TRIM55: variants seen among roughly 807,000 people sequenced by gnomAD.
The protein encoded by TRIM55 is tripartite motif containing 55.
A neutral mutation model predicts 60.9 loss-of-function variants in TRIM55; 50 were observed. The ratio of observed to expected loss-of-function variants is 0.82; its 90% CI spans 0.65 to 1.04. The LOEUF is 1.04. Ranked by LOEUF, TRIM55 falls within the 50% of genes least tolerant of loss-of-function variation. The pLI, the probability that TRIM55 is intolerant of heterozygous loss-of-function variation, is 0.00. For synonymous variants in TRIM55, 237 were observed against 238.1 expected, an observed-to-expected ratio of 1.00 and a Z score of 0.04; for missense variants, 681 against 666.9, an observed-to-expected ratio of 1.02 and a Z score of -0.23.
At chr8:66,164,745 A>T (rs1811228542) in intron 9 of TRIM55, among the ~76,000 whole-genome samples, 1 of 152,222 alleles carries the variant, frequency 6.6e-6, no homozygotes, top group Non-Finnish European at 1.5e-5. Context: ...CTATAGGCAG[A>T]TGCAGTGGAG....
At chr8:66,145,542 C>G (rs1483229505) in intron 4 of TRIM55, among the ~76,000 whole-genome samples, 1 of 152,052 alleles carries the variant, frequency 6.6e-6, no homozygotes, top group Non-Finnish European at 1.5e-5. Flanking sequence ...CATACAATGC[C>G]AGGTACAAAG....
chr8:66,126,162 G>A (rs1465960541), upstream of TRIM55, among the ~76,000 whole-genome samples: 1 of 152,194 alleles, frequency 6.6e-6, no homozygotes, highest in Non-Finnish European at 1.5e-5. Context: ...CAGATGAAAT[G>A]CAGATATGGA....
chr8:66,149,248 C>T (rs746027393), intron 4 of TRIM55, among the ~76,000 whole-genome samples: 2 of 152,086 alleles, frequency 1.3e-5, no homozygotes, highest in Non-Finnish European at 2.9e-5. Flanking sequence ...AGGTACAAAC[C>T]AGGAAGTATC....
chr8:66,115,785 A>G, the TRIM55 span, among the ~76,000 whole-genome samples: 1 of 152,204 alleles, frequency 6.6e-6, no homozygotes, highest in Admixed American at 6.5e-5. Flanking sequence ...TCGGTGCTTC[A>G]GTGTCTTTGT....
At chr8:66,131,106 A>G (rs1340752716) in intron 2 of TRIM55, among the ~76,000 whole-genome samples, 7 of 152,192 alleles carry the variant, frequency 4.6e-5, no homozygotes, top group African/African-American at 1.7e-4. Context: ...AAGTAAAACT[A>G]CTATGTGCTG....
At chr8:66,162,499 C>T (rs534175313) in intron 9 of TRIM55, among the ~76,000 whole-genome samples, 1 of 151,454 alleles carries the variant, frequency 6.6e-6, no homozygotes, top group African/African-American at 2.4e-5. Context: ...TAATGTCCTC[C>T]CCTGGTTTTG....
At chr8:66,121,590 G>A in the TRIM55 span, among the ~76,000 whole-genome samples, 5 of 152,314 alleles carry the variant, frequency 3.3e-5, no homozygotes, top group East Asian at 5.8e-4. Flanking sequence ...GTAACAGGTC[G>A]CTGAGTCTCA....
upstream of TRIM55, among the ~76,000 whole-genome samples, chr8:66,122,860 G>A (rs527580277): frequency 3.9e-5 from 6 of 152,232 alleles, no homozygotes; most frequent in African/African-American, 1.4e-4. Context: ...GTATAGCATC[G>A]TATGACAGAT....
Position 66,174,720 on chromosome 8 carries a change from GCC to G in TRIM55, c.*130_*131del. 9.9e-7 allele frequency: 1 copy of G among 1,006,702 alleles called. No homozygotes were observed. Among genetic ancestry groups the G allele is most frequent in the Non-Finnish European group, 1.4e-6 (1 of 738,892 alleles). 62.4% of individuals were successfully genotyped at this position (1,006,702 alleles called of 1,614,324 possible). On this transcript the variant is annotated 3_prime_UTR_variant, in exon 10 of 10. Coordinates refer to ENST00000315962, the MANE Select transcript of TRIM55 (RefSeq NM_184085.2). Reference sequence around the variant, plus strand: ...TCTGAACAGGATTTCTGCAAAAATAGCCCCAAACTGCAATTCCATATGACTTA... The same window carrying G: ...TCTGAACAGGATTTCTGCAAAAATAGCCAAACTGCAATTCCATATGACTTA...
intron 9 of TRIM55, among the ~76,000 whole-genome samples, chr8:66,158,540 TCA>T (rs1810876037): frequency 6.6e-6 from 1 of 152,348 alleles, no homozygotes; most frequent in African/African-American, 2.4e-5. Context: ...TCTTGAAGCC[TCA>T]GTTTTCTCAT....
At position 66,152,518 on chromosome 8, in the gene TRIM55, C is replaced by T; in HGVS notation, c.1127C>T (p.Ala376Val). 1 of 1,614,148 alleles carries T rather than the reference C, an allele frequency of 6.2e-7. No individual in the cohort carries two copies. The highest frequency in any genetic ancestry group is 2.2e-5 in the East Asian group (1 of 44,862). Residue 376 changes from alanine (A) to valine (V), a missense_variant, in exon 8 of 10, where the codon GCT (alanine) becomes GTT (valine). Ala to Val is a moderately conservative substitution (Grantham distance 64). Transcript: ENST00000315962. The part of the protein sequence containing the change: ...FPGEDENPEK[A>V]SELSQVELQA... ...GGAGAAGATGAAAACCCAGAAAAAGCTTCAGAGCTCTCTCAGGTGGAGCTG... is the reference window on the plus strand; with the variant it reads ...GGAGAAGATGAAAACCCAGAAAAAGTTTCAGAGCTCTCTCAGGTGGAGCTG...
At chr8:66,144,291 G>A (rs1341008758) in intron 4 of TRIM55, among the ~76,000 whole-genome samples, 1 of 152,168 alleles carries the variant, frequency 6.6e-6, no homozygotes, top group Non-Finnish European at 1.5e-5. Flanking sequence ...TTCAATATGG[G>A]AGGGATGATC....
intron 4 of TRIM55, among the ~76,000 whole-genome samples, chr8:66,143,263 T>G (rs541662670): frequency 7.9e-4 from 120 of 152,336 alleles, no homozygotes; most frequent in Non-Finnish European, 1.1e-3. Context: ...TAGGTTTTTT[T>G]CCTATTGTGG....
the TRIM55 span, chr8:66,113,426 C>T: frequency 4.5e-6 from 2 of 443,690 alleles, no homozygotes; most frequent in South Asian, 1.6e-5. Context: ...CAGGAGACAT[C>T]CTTAGGTCGC....
Position 66,169,108 on chromosome 8 carries a change from C to G in TRIM55, c.1525-5363C>G, listed in dbSNP as rs578068346. Among the ~76,000 whole-genome samples, 5 of 152,240 alleles carry G rather than the reference C, an allele frequency of 3.3e-5. No homozygotes were observed. In the South Asian group the frequency reaches 1.0e-3, roughly 32 times the overall value. ...GGCACTGGTCACTGATTAAAATAAG[C>G]TCACTCTTCTACTTTGGGGCAGCTA... On this transcript the variant is annotated intron_variant, in intron 9 of 9. Coordinates refer to ENST00000315962, the MANE Select transcript of TRIM55 (RefSeq NM_184085.2).
rs200934728 is a variant in TRIM55, at chr8:66,174,483, G to T, written c.1537G>T (p.Ala513Ser). ...TCTTCCATTGCAGATTGGATTTGAG[G>T]CTCCTCCCCTCCAGGGACAGGCTGC... ...PAATSQIGFE[A>S]PPLQGQAAAP... The change falls in exon 10 of 10, where the codon GCT becomes TCT. Residue 513 changes from alanine (A) to serine (S), a missense_variant. Transcript: ENST00000315962. 5.8e-5 allele frequency: 93 copies of T among 1,610,578 alleles called. No individual in the cohort carries two copies. Among genetic ancestry groups the T allele is most frequent in the Non-Finnish European group, 1.4e-5 (16 of 1,179,008 alleles).
chr8:66,117,536 C>T, the TRIM55 span, among the ~76,000 whole-genome samples: 471 of 152,288 alleles, frequency 3.1e-3, 6 homozygotes, highest in African/African-American at 0.011. Flanking sequence ...CAGTGCAAGT[C>T]GGAGAGATAG....
rs548404485 is a variant in TRIM55, at chr8:66,158,863, C to T, written c.1524+4529C>T. Among the ~76,000 whole-genome samples, 10 of 152,312 alleles carry T rather than the reference C, an allele frequency of 6.6e-5. No individual in the cohort carries two copies. In the South Asian group the frequency reaches 1.4e-3, roughly 22 times the overall value. On this transcript the variant is annotated intron_variant, in intron 9 of 9. Coordinates refer to ENST00000315962, the MANE Select transcript of TRIM55 (RefSeq NM_184085.2). The stretch of plus-strand genomic sequence containing the variant: ...CTGAATGTTTACACAGCTGCTATTA[C>T]CTCCTTCAGATTCCATGAACTCCAC...
upstream of TRIM55, among the ~76,000 whole-genome samples, chr8:66,124,361 T>C (rs956448877): frequency 6.6e-6 from 1 of 152,192 alleles, no homozygotes; most frequent in Non-Finnish European, 1.5e-5. Context: ...AAAAACTCTT[T>C]AGCACAGTAT....
Sources: gnomAD v4.1 joint callset for allele counts (sites outside exome capture counted in the v4.1 genomes callset) on GRCh38, gnomAD v4.1.1 for gene constraint, MANE v1.5 for transcripts, NCBI Gene and HGNC (gene_info 2026-07-23, HGNC 2026-07-21) for gene names.